The following PCDH11X variants were observed in gnomAD, a reference collection of about 807,000 sequenced individuals.
PCDH11X encodes the protein protocadherin-11 X-linked.
In PCDH11X, 18 loss-of-function variants were observed where a neutral mutation model predicts 53.3. The ratio of observed to expected loss-of-function variants is 0.34; its 90% CI spans 0.23 to 0.50. PCDH11X has a LOEUF of 0.50. Among genes scored for constraint, PCDH11X ranks in the 20% least tolerant of loss-of-function variants. The pLI is 0.98. For missense variants in PCDH11X, 570 were observed against 1,032.4 expected, an observed-to-expected ratio of 0.55 and a Z score of 6.14; for synonymous variants, 279 against 393.3, an observed-to-expected ratio of 0.71 and a Z score of 3.44.
At chrX:92,420,655 A>C (rs2071943539) in intron 9 of PCDH11X, 1 of 201,438 alleles carries the variant, frequency 5.0e-6, no homozygotes. Context: ...GCTTTTAATG[A>C]GAGAACATTG....
chrX:92,530,721 C>CA (rs2074538739), intron 10 of PCDH11X, among the ~76,000 whole-genome samples: 1 of 111,742 alleles, frequency 8.9e-6, no homozygotes, highest in African/African-American at 3.2e-5. Flanking sequence ...AGTTTTTTTT[C>CA]ATCTCTTCTA....
intron 8 of PCDH11X, among the ~76,000 whole-genome samples, chrX:92,361,930 T>G (rs1285068002): frequency 1.8e-5 from 2 of 111,643 alleles, no homozygotes; most frequent in East Asian, 5.6e-4. Context: ...ATTTGTCTTT[T>G]TTTGGGTTAT....
chrX:92,556,453 A>G (rs2075047516), intron 10 of PCDH11X, among the ~76,000 whole-genome samples: 1 of 111,534 alleles, frequency 9.0e-6, no homozygotes, highest in Admixed American at 9.6e-5. Context: ...ATTGGCAAAA[A>G]CCAAGAGGCT....
At chrX:91,847,605 T>C (rs2524472) in intron 5 of PCDH11X, among the ~76,000 whole-genome samples, 3 of 111,486 alleles carry the variant, frequency 2.7e-5, no homozygotes, top group Admixed American at 9.6e-5. Flanking sequence ...CAAAACATCA[T>C]TGGGGTCAAC....
At chrX:91,825,424 A>T (rs1427795114) in intron 4 of PCDH11X, among the ~76,000 whole-genome samples, 1 of 111,356 alleles carries the variant, frequency 9.0e-6, no homozygotes, top group Admixed American at 9.4e-5. Context: ...TTCGGGTGGG[A>T]TTGACCCGAT....
At chrX:91,853,925 A>T (rs1487336489) in intron 5 of PCDH11X, among the ~76,000 whole-genome samples, 1 of 110,669 alleles carries the variant, frequency 9.0e-6, no homozygotes, top group Non-Finnish European at 1.9e-5. Context: ...TACATGAAAT[A>T]CTTTGATACA....
intron 6 of PCDH11X, among the ~76,000 whole-genome samples, chrX:91,884,496 CTG>C (rs1250632313): frequency 1.4e-4 from 16 of 110,946 alleles, no homozygotes. Flanking sequence ...TTAAATAAGT[CTG>C]TTTTATTTCT....
chrX:91,915,801 A>G (rs1374557867), intron 6 of PCDH11X, among the ~76,000 whole-genome samples: 1 of 111,743 alleles, frequency 8.9e-6, no homozygotes, highest in Non-Finnish European at 1.9e-5. Context: ...GCAAAAAATC[A>G]AAAAATAAAC....
chrX:92,484,895 A>G (rs1287268117), intron 10 of PCDH11X, among the ~76,000 whole-genome samples: 1 of 111,063 alleles, frequency 9.0e-6, no homozygotes, highest in Non-Finnish European at 1.9e-5. Flanking sequence ...GAGGAAACAT[A>G]AAAAAGGATG....
chrX:91,851,762 A>G (rs1208802358), intron 5 of PCDH11X, among the ~76,000 whole-genome samples: 2 of 111,597 alleles, frequency 1.8e-5, no homozygotes, highest in Non-Finnish European at 3.8e-5. Context: ...CCCAAGTATT[A>G]TATTTTACAT....
At chrX:92,554,563 C>A (rs1602321048) in intron 10 of PCDH11X, among the ~76,000 whole-genome samples, 1 of 82,964 alleles carries the variant, frequency 1.2e-5, no homozygotes, top group African/African-American at 3.8e-5. Context: ...TGATAATCCT[C>A]CATTTTTATA....
rs36145079 is a variant in PCDH11X at position 92,264,880 on chromosome X, ATTT to A, written c.3144+1752_3144+1754del. Among the ~76,000 whole-genome samples, 24 of 87,759 alleles carry A rather than the reference ATTT, an allele frequency of 2.7e-4. No individual in the cohort carries two copies. The South Asian group carries it at 3.2e-3, about 12-fold the overall frequency. The allele number at this position is 87,759 out of a possible 115,157, so 76.2% of individuals were successfully genotyped here. On this transcript the variant is annotated intron_variant, in intron 8 of 10. Transcript: ENST00000682573. ...AAAAAGAGGTTCTTAGTGAAGGACA[ATTT>A]TTTTTTTTTTTTTTGTCAAATAAAA...
chrX:92,142,352 C>T (rs1234946926), intron 6 of PCDH11X, among the ~76,000 whole-genome samples: 1 of 94,964 alleles, frequency 1.1e-5, no homozygotes, highest in African/African-American at 3.9e-5. Context: ...GACAGTTGGT[C>T]CATGCATGTG....
intron 10 of PCDH11X, among the ~76,000 whole-genome samples, chrX:92,480,723 C>T (rs184367636): frequency 1.8e-4 from 20 of 110,965 alleles, no homozygotes; most frequent in Middle Eastern, 4.7e-3. Flanking sequence ...CCAATGTGCT[C>T]GGAAGGCTGA....
chrX:92,066,197 G>T (rs1396510616), intron 6 of PCDH11X, among the ~76,000 whole-genome samples: 1 of 86,699 alleles, frequency 1.2e-5, no homozygotes, highest in Non-Finnish European at 2.2e-5. Flanking sequence ...TGTCTGTGCT[G>T]TTCCATTGAT....
At chrX:92,605,970 G>T (rs989164249) in intron 10 of PCDH11X, among the ~76,000 whole-genome samples, 75 of 110,741 alleles carry the variant, frequency 6.8e-4, no homozygotes, top group African/African-American at 2.3e-3. Context: ...AGTGGCTGAC[G>T]CCTGTAATCC....
chrX:92,176,380 A>G (rs2065910126), intron 6 of PCDH11X, among the ~76,000 whole-genome samples: 1 of 111,979 alleles, frequency 8.9e-6, no homozygotes, highest in Admixed American at 9.6e-5. Context: ...TTTGAAAAGT[A>G]AAGCTCCCCT....
At chrX:92,502,020 G>T (rs2073968328) in intron 10 of PCDH11X, among the ~76,000 whole-genome samples, 1 of 111,090 alleles carries the variant, frequency 9.0e-6, no homozygotes, top group Admixed American at 9.6e-5. Context: ...CTTCAGCAAA[G>T]TCTCAAGATA....
chrX:92,321,165 T>A (rs2148492988), intron 8 of PCDH11X, among the ~76,000 whole-genome samples: 1 of 106,285 alleles, frequency 9.4e-6, no homozygotes, highest in Admixed American at 1.0e-4. Flanking sequence ...TTAGTCAGTA[T>A]CTGTGAGCTG....
Sources: gnomAD v4.1 joint callset for allele counts (sites outside exome capture counted in the v4.1 genomes callset) on GRCh38, gnomAD v4.1.1 for gene constraint, MANE v1.5 for transcripts, NCBI Gene and HGNC (gene_info 2026-07-23, HGNC 2026-07-21) for gene names.